EFCAB8: variants seen among roughly 807,000 people sequenced by gnomAD.
The protein encoded by EFCAB8 is EF-hand calcium-binding domain-containing protein 8.
Under a neutral mutation model 116.3 loss-of-function variants are expected in EFCAB8, and 100 were observed. The observed-to-expected ratio is 0.86, with a 90% CI of 0.73 to 1.02. The LOEUF (loss-of-function observed/expected upper bound fraction) is 1.02. Among genes scored for constraint, EFCAB8 ranks in the 50% least tolerant of loss-of-function variants. EFCAB8 has a pLI of 0.00. For missense variants in EFCAB8, 1,320 were observed against 1,416.9 expected (o/e 0.93, Z 1.10); for synonymous variants, 558 against 567.9 (o/e 0.98, Z 0.25).
chr20:32,893,392 C>T (rs897696388), intron 9 of EFCAB8, 94 bp downstream of exon 9: 1 of 1,498,758 alleles, frequency 6.7e-7, no homozygotes, highest in Non-Finnish European at 9.0e-7. Context: ...CCACTCCCTG[C>T]CTCTGCTCTG....
chr20:32,867,443 T>C (rs761223382), intron 2 of EFCAB8, 139 bp from the exon 3 acceptor site: 109 of 953,762 alleles, frequency 1.1e-4, no homozygotes, highest in Non-Finnish European at 1.5e-4. Flanking sequence ...GGTTAAGAAT[T>C]CTGTATTTCT....
In EFCAB8 at chr20:32,935,192, C is replaced by CTTTTTTTTT. The variant is rs753039647; in HGVS notation, c.2790+3873_2790+3881dup. On this transcript the variant is annotated intron_variant, in intron 22 of 26. Coordinates refer to ENST00000400522, the MANE Select transcript of EFCAB8 (RefSeq NM_001143967.2). The stretch of plus-strand genomic sequence containing the variant: ...TTCTCTTTTCTTTCTTTCTTTCTTT[C>CTTTTTTTTT]TTTTTTTTTTTTTTTTTTTTTTTTT... Among the ~76,000 whole-genome samples the CTTTTTTTTT allele has an allele frequency of 4.4e-3, 149 of 34,050 alleles. 6 individuals carry two copies. Among genetic ancestry groups the CTTTTTTTTT allele is most frequent in the Non-Finnish European group, 5.2e-3 (112 of 21,526 alleles). 22.3% of individuals were successfully genotyped at this position (34,050 alleles called of 152,430 possible).
chr20:32,922,562 G>C (rs1359489831), intron 20 of EFCAB8, among the ~76,000 whole-genome samples: 2 of 152,214 alleles, frequency 1.3e-5, no homozygotes, highest in African/African-American at 2.4e-5. Context: ...GTCACAGAGT[G>C]AGTGAGGACA....
At position 32,893,219 on chromosome 20, in the gene EFCAB8, C is replaced by CAACG; in HGVS notation, c.805_808dup (p.Val270GlufsTer40). On this transcript the variant is annotated frameshift_variant, in exon 9 of 27. Coordinates refer to ENST00000400522, the MANE Select transcript of EFCAB8 (RefSeq NM_001143967.2). LOFTEE classifies it high-confidence loss of function. Reference sequence around the variant, plus strand: ...TGTTCTGCTATGGAGACGCCAAAGGCAACGTCATTGTCTTCACCTCCGAAA... The same window carrying CAACG: ...TGTTCTGCTATGGAGACGCCAAAGGCAACGAACGTCATTGTCTTCACCTCCGAAA... 2 of 1,552,056 alleles carry CAACG rather than the reference C, an allele frequency of 1.3e-6. No homozygotes were observed. Among genetic ancestry groups the CAACG allele is most frequent in the Non-Finnish European group, 1.7e-6 (2 of 1,147,074 alleles).
intron 20 of EFCAB8, among the ~76,000 whole-genome samples, chr20:32,924,032 A>G (rs1987572163): frequency 6.6e-6 from 1 of 152,192 alleles, no homozygotes; most frequent in Non-Finnish European, 1.5e-5. Context: ...CTGCCAGACA[A>G]TGAACTTAAT....
intron 15 of EFCAB8, among the ~76,000 whole-genome samples, chr20:32,911,165 G>A (rs1002128645): frequency 3.9e-5 from 6 of 151,988 alleles, no homozygotes; most frequent in South Asian, 2.1e-4. Context: ...TTTTTTTGAC[G>A]GGGTGGTCAT....
intron 3 of EFCAB8, among the ~76,000 whole-genome samples, chr20:32,873,561 C>T (rs1255097323): frequency 1.3e-5 from 2 of 151,356 alleles, no homozygotes; most frequent in Non-Finnish European, 2.9e-5. Flanking sequence ...TTGATAATTG[C>T]TTTTAGAAGA....
chr20:32,909,819 A>G lies in EFCAB8; in HGVS notation c.1447-2A>G, dbSNP rs376826799. 8.0e-7 allele frequency: 1 copy of G among 1,246,952 alleles called. No homozygotes were observed. Among genetic ancestry groups the G allele is most frequent in the Non-Finnish European group, 1.0e-6 (1 of 985,578 alleles). 77.2% of individuals were successfully genotyped at this position (1,246,952 alleles called of 1,614,324 possible). A position where few individuals can be genotyped will look rare whatever the true frequency, so the allele number is the denominator to read the frequency against. ...GCTCTCTGCCCCTTTCCTCACCTAC[A>G]GATCGGGATCCTAAAAGGGTACTTA... On this transcript the variant is annotated splice_acceptor_variant, in intron 14 of 26. Transcript: ENST00000400522. LOFTEE classifies it high-confidence loss of function.
At chr20:32,944,077 T>C (rs941795797) in intron 23 of EFCAB8, among the ~76,000 whole-genome samples, 1 of 152,224 alleles carries the variant, frequency 6.6e-6, no homozygotes, top group Non-Finnish European at 1.5e-5. Context: ...AAAATAAACT[T>C]AATTGTTGCA....
In EFCAB8 at chr20:32,918,172, C is replaced by T. The variant is rs568932800; in HGVS notation, c.2062-190C>T. On this transcript the variant is annotated intron_variant, in intron 18 of 26. Transcript: ENST00000400522. ...GGGAGCAGTGTCCTGCCTGTGGGTACTCAGGGCATTGCAGCTGGCCAGGAA... is the reference window on the plus strand; with the variant it reads ...GGGAGCAGTGTCCTGCCTGTGGGTATTCAGGGCATTGCAGCTGGCCAGGAA... 2.6e-5 allele frequency among the ~76,000 whole-genome samples: 4 copies of T among 152,340 alleles called. No individual in the cohort carries two copies. In the South Asian group the frequency reaches 8.3e-4, roughly 32 times the overall value.
In EFCAB8 at chr20:32,920,136, C is replaced by G; in HGVS notation, c.2333C>G (p.Ser778Cys). Reference protein sequence around the residue: ...RQSSKIHSKQSIYKEDETRKG... With the variant: ...RQSSKIHSKQCIYKEDETRKG... ...TCAAGCAAGATCCACAGCAAACAGT[C>G]CATTTACAAAGAGGATGAAACGAGA... The change falls in exon 20 of 27, where the codon TCC becomes TGC. Residue 778 changes from serine (S) to cysteine (C), a missense_variant. Physicochemically the swap from Ser to Cys is moderately radical, Grantham distance 112. Transcript: ENST00000400522. The G allele has an allele frequency of 6.4e-7, 1 of 1,551,678 alleles. No homozygotes were observed. The highest frequency in any genetic ancestry group is 8.7e-7 in the Non-Finnish European group (1 of 1,147,002).
chr20:32,877,653 C>T (rs1222074796), intron 4 of EFCAB8, among the ~76,000 whole-genome samples: 2 of 152,236 alleles, frequency 1.3e-5, no homozygotes, highest in Non-Finnish European at 2.9e-5. Flanking sequence ...TTTACAACCC[C>T]GTTTCTTGTT....
At chr20:32,892,426 G>T (rs751756971) in intron 8 of EFCAB8, 129 bp downstream of exon 8, 1 of 749,810 alleles carries the variant, frequency 1.3e-6, no homozygotes, top group Non-Finnish European at 2.2e-6. Context: ...CTCCCCACTG[G>T]CTCCAAGGCC....
At chr20:32,902,564 C>T (rs1054322024) in intron 11 of EFCAB8, among the ~76,000 whole-genome samples, 11 of 152,024 alleles carry the variant, frequency 7.2e-5, no homozygotes, top group African/African-American at 2.4e-4. Context: ...CTGGGCAATA[C>T]AGCAAGATCC....
intron 11 of EFCAB8, among the ~76,000 whole-genome samples, chr20:32,903,189 C>T (rs559901423): frequency 1.1e-4 from 16 of 152,346 alleles, no homozygotes; most frequent in African/African-American, 2.4e-4. Flanking sequence ...TCCTGGCCCA[C>T]CTGGTGCCCA....
intron 20 of EFCAB8, among the ~76,000 whole-genome samples, chr20:32,921,361 T>TTGTGTGTGTGTGTGTG (rs71858676): frequency 7.0e-4 from 90 of 129,278 alleles, no homozygotes; most frequent in Non-Finnish European, 9.0e-4. Flanking sequence ...CCCAGCTATT[T>TTGTGTGTGTGTGTGTG]TGTGTGTGTG....
intron 6 of EFCAB8, among the ~76,000 whole-genome samples, chr20:32,886,149 T>C (rs1272688040): frequency 6.6e-6 from 1 of 152,200 alleles, no homozygotes; most frequent in Non-Finnish European, 1.5e-5. Flanking sequence ...CTGGACAAGG[T>C]ACTATATACT....
At chr20:32,879,506 C>A (rs1256740077) in intron 5 of EFCAB8, among the ~76,000 whole-genome samples, 1 of 152,178 alleles carries the variant, frequency 6.6e-6, no homozygotes, top group Non-Finnish European at 1.5e-5. Flanking sequence ...TAAGCGAAGA[C>A]AGAGTCACAA....
chr20:32,862,271 T>A (rs2146159898), intron 1 of EFCAB8, among the ~76,000 whole-genome samples: 1 of 151,848 alleles, frequency 6.6e-6, no homozygotes, highest in East Asian at 1.9e-4. Context: ...GCTGGGTGTA[T>A]AGGCATGTGC....
Sources: allele counts gnomAD v4.1 joint callset (sites outside exome capture counted in the v4.1 genomes callset), GRCh38; gene constraint gnomAD v4.1.1; transcripts MANE v1.5; gene names NCBI Gene and HGNC (gene_info 2026-07-23, HGNC 2026-07-21).